The following NAV2 variants were observed in gnomAD, a reference collection of about 807,000 sequenced individuals.
NAV2 encodes the protein helicase, APC down-regulated 1.
Under a neutral mutation model 223.2 loss-of-function variants are expected in NAV2, and 54 were observed. That is an observed-to-expected ratio of 0.24 (90% CI 0.19 to 0.30). The LOEUF (loss-of-function observed/expected upper bound fraction) is 0.30, where lower values mean the gene tolerates loss of function less well. Ranked by LOEUF, NAV2 falls within the 10% of genes least tolerant of loss-of-function variation. The pLI, the probability that NAV2 is intolerant of heterozygous loss-of-function variation, is 1.00. For synonymous variants in NAV2, 1,279 were observed against 1,239.3 expected (o/e 1.03, Z -0.67); for missense variants, 2,806 against 3,147.5 (o/e 0.89, Z 2.60).
Position 19,623,685 on chromosome 11 carries a change from T to G in NAV2, c.76-208799T>G, listed in dbSNP as rs866991072. On this transcript the variant is annotated intron_variant, in intron 1 of 37. Transcript: ENST00000360655. The stretch of plus-strand genomic sequence containing the variant: ...ATTCGTCTAATCTTTTTTCAAGGTT[T>G]TTAGCTTCTTTGCGATGGGTTCGAA... Among the ~76,000 whole-genome samples the G allele has an allele frequency of 1.2e-4, 19 of 152,336 alleles. No individual in the cohort carries two copies. In the South Asian group the frequency reaches 1.9e-3, roughly 15 times the overall value.
intron 10 of NAV2, among the ~76,000 whole-genome samples, chr11:19,959,067 C>T (rs922278817): frequency 6.6e-6 from 1 of 152,134 alleles, no homozygotes; most frequent in Non-Finnish European, 1.5e-5. Context: ...CAGCTCCAGC[C>T]TGTGTTGTAA....
chr11:20,054,357 T>C (rs2058227813), intron 18 of NAV2, 117 bp downstream of exon 18: 2 of 1,005,876 alleles, frequency 2.0e-6, no homozygotes, highest in Non-Finnish European at 2.8e-6. Context: ...TTTGGTTACA[T>C]GGGTAAGTTC....
intron 1 of NAV2, among the ~76,000 whole-genome samples, chr11:19,762,385 G>A (rs187617167): frequency 2.0e-4 from 31 of 152,328 alleles, no homozygotes; most frequent in African/African-American, 6.5e-4. Flanking sequence ...CCCACTCTGT[G>A]CAAATCCCCA....
At chr11:19,968,929 C>G (rs984354585) in intron 10 of NAV2, among the ~76,000 whole-genome samples, 1 of 152,084 alleles carries the variant, frequency 6.6e-6, no homozygotes, top group African/African-American at 2.4e-5. Context: ...CTTGGCTTCT[C>G]CTTGTCCGCA....
chr11:19,828,380 T>C (rs1216155454), intron 1 of NAV2, among the ~76,000 whole-genome samples: 1 of 151,994 alleles, frequency 6.6e-6, no homozygotes, highest in African/African-American at 2.4e-5. Context: ...TTAACCCCTA[T>C]TCTACTTCGT....
intron 3 of NAV2, among the ~76,000 whole-genome samples, chr11:19,859,439 C>G (rs61372937): frequency 0.41 from 56,704 of 137,484 alleles, 11,787 homozygotes; most frequent in Middle Eastern, 0.54. Flanking sequence ...ACATGTTTCA[C>G]AGAGCACAGG....
At chr11:19,779,316 G>C (rs185982362) in intron 1 of NAV2, among the ~76,000 whole-genome samples, 1 of 152,208 alleles carries the variant, frequency 6.6e-6, no homozygotes, top group Non-Finnish European at 1.5e-5. Flanking sequence ...CTGCCCCAGA[G>C]CCCAGGCAGG....
At chr11:19,881,844 G>T (rs11025312) in intron 5 of NAV2, among the ~76,000 whole-genome samples, 5,540 of 152,294 alleles carry the variant, frequency 0.036, 353 homozygotes, top group African/African-American at 0.13. Flanking sequence ...TCTCTCTCAG[G>T]ACATGAAGGG....
chr11:19,735,815 CT>C (rs201415557), intron 1 of NAV2, among the ~76,000 whole-genome samples: 3 of 151,828 alleles, frequency 2.0e-5, no homozygotes, highest in East Asian at 1.9e-4. Context: ...AATAGCATCA[CT>C]TTTTTTTTCC....
intron 7 of NAV2, among the ~76,000 whole-genome samples, chr11:19,937,039 G>A (rs1196067096): frequency 6.6e-6 from 1 of 152,162 alleles, no homozygotes; most frequent in East Asian, 1.9e-4. Flanking sequence ...TCCGGAGGCT[G>A]AGGCATGAGA....
Position 19,572,777 on chromosome 11 carries a change from G to A in NAV2, c.75+221750G>A, listed in dbSNP as rs1008099619. ...CATCTGTAAAATGGGAATCATAATGGTGTATATAAAAGCTTCCAGAATTTT... is the reference window on the plus strand; with the variant it reads ...CATCTGTAAAATGGGAATCATAATGATGTATATAAAAGCTTCCAGAATTTT... On this transcript the variant is annotated intron_variant, in intron 1 of 37. Transcript: ENST00000360655. Among the ~76,000 whole-genome samples the A allele has an allele frequency of 3.3e-5, 5 of 152,154 alleles. No homozygotes were observed. The South Asian group carries it at 8.3e-4, about 25-fold the overall frequency.
intron 11 of NAV2, among the ~76,000 whole-genome samples, chr11:19,984,748 A>G (rs2050620320): frequency 6.6e-6 from 1 of 152,196 alleles, no homozygotes; most frequent in Admixed American, 6.5e-5. Context: ...TAAGTAGTTG[A>G]CATCATAGAG....
chr11:20,016,336 A>G (rs2054001341), intron 11 of NAV2, among the ~76,000 whole-genome samples: 1 of 152,228 alleles, frequency 6.6e-6, no homozygotes, highest in Non-Finnish European at 1.5e-5. Flanking sequence ...TTTGTTAACA[A>G]TCAGCTGGTT....
At chr11:19,929,239 T>A (rs898911114) in intron 6 of NAV2, among the ~76,000 whole-genome samples, 2 of 151,546 alleles carry the variant, frequency 1.3e-5, no homozygotes, top group East Asian at 3.9e-4. Context: ...GGTGACAGAG[T>A]GAGATTCCAT....
Position 19,713,625 on chromosome 11 carries a change from C to G in NAV2, c.-71C>G. 6.8e-7 allele frequency: 1 copy of G among 1,479,574 alleles called. No homozygotes were observed. The highest frequency in any genetic ancestry group is 9.0e-7 in the Non-Finnish European group (1 of 1,115,068). 91.7% of individuals were successfully genotyped at this position (1,479,574 alleles called of 1,614,324 possible). A position where few individuals can be genotyped will look rare whatever the true frequency, so the allele number is the denominator to read the frequency against. ...GGCCCGGCGCCTGCTCTGCTACCCG[C>G]GCTGCCTTTAGCGGTCGCCCCCGCC... On this transcript the variant is annotated 5_prime_UTR_variant, in exon 1 of 38. Transcript: ENST00000349880. This position sits in a 1 kb window ranked among gnomAD's most constrained non-coding sequence, Gnocchi z 7.2.
chr11:19,874,926 G>A (rs1453940363), intron 4 of NAV2, among the ~76,000 whole-genome samples: 7 of 152,218 alleles, frequency 4.6e-5, no homozygotes, highest in African/African-American at 1.7e-4. Context: ...GGAGGCCGAG[G>A]TGGGTGGATC....
intron 10 of NAV2, among the ~76,000 whole-genome samples, chr11:19,963,539 A>G (rs1173867008): frequency 2.0e-5 from 3 of 152,222 alleles, no homozygotes; most frequent in Non-Finnish European, 4.4e-5. Context: ...AAGGGACCTG[A>G]AAGTGCCATT....
At chr11:19,602,192 T>TTG (rs1169666774) in intron 1 of NAV2, among the ~76,000 whole-genome samples, 1 of 150,742 alleles carries the variant, frequency 6.6e-6, no homozygotes, top group African/African-American at 2.5e-5. Flanking sequence ...TTTTTTTTTT[T>TTG]TTTGAGATGG....
chr11:19,595,818 T>C (rs2046194061), intron 1 of NAV2, among the ~76,000 whole-genome samples: 2 of 150,058 alleles, frequency 1.3e-5, no homozygotes, highest in Admixed American at 1.3e-4. Context: ...TGCCTTGGTC[T>C]CCCAAAGTGC....
Sources: gnomAD v4.1 joint callset for allele counts (sites outside exome capture counted in the v4.1 genomes callset) on GRCh38, gnomAD v4.1.1 for gene constraint, Gnocchi (gnomAD v3.1) non-coding constraint, MANE v1.5 for transcripts, NCBI Gene and HGNC (gene_info 2026-07-23, HGNC 2026-07-21) for gene names.